SANBR: variants seen among roughly 807,000 people sequenced by gnomAD.
SANBR encodes SANT and BTB domain regulator of class switch recombination.
SANBR carries 77 observed loss-of-function variants against 101.8 expected under a neutral mutation model. The observed-to-expected ratio is 0.76, with a 90% confidence interval of 0.63 to 0.91. The LOEUF is 0.91. SANBR is among the 40% of genes least tolerant of loss of function. The probability of loss-of-function intolerance (pLI) is 0.00; values close to 1 mark genes in which losing one functional copy is unlikely to be tolerated. For missense variants in SANBR, 875 were observed against 853.0 expected (o/e 1.03, Z -0.32); for synonymous variants, 279 against 274.7 (o/e 1.02, Z -0.15).
At chr2:61,068,636 C>A (rs1046387331) in intron 1 of SANBR, among the ~76,000 whole-genome samples, 1 of 152,138 alleles carries the variant, frequency 6.6e-6, no homozygotes, top group East Asian at 1.9e-4. Context: ...CTGACTCTTT[C>A]TAGTCATTTT....
intron 3 of SANBR, 57 bp from the exon 4 acceptor site, chr2:61,071,549 C>CAAAA: frequency 2.3e-5 from 22 of 942,732 alleles, no homozygotes; most frequent in South Asian, 4.3e-5. Context: ...GACTCCGTCT[C>CAAAA]AAAAAAAAAA....
chr2:61,116,631 C>T (rs560803507), intron 17 of SANBR, among the ~76,000 whole-genome samples: 2 of 152,146 alleles, frequency 1.3e-5, no homozygotes, highest in South Asian at 4.2e-4. Flanking sequence ...AAAAGAAAAA[C>T]TGTGAATTTC....
chr2:61,120,441 A>G (rs1398750639), intron 20 of SANBR, among the ~76,000 whole-genome samples: 2 of 152,224 alleles, frequency 1.3e-5, no homozygotes, highest in African/African-American at 4.8e-5. Flanking sequence ...TTGAGGTTGC[A>G]GTGAGCCAAG....
downstream of SANBR, among the ~76,000 whole-genome samples, chr2:61,126,725 C>T (rs981004221): frequency 6.7e-6 from 1 of 149,734 alleles, no homozygotes; most frequent in Non-Finnish European, 1.5e-5. Context: ...TCACTTGAAC[C>T]CGGAAGGTGG....
In SANBR at chr2:61,123,353, A is replaced by G; in HGVS notation, c.*1191A>G. ...ATTTCCATTGAAATATTGAAGTGTTACACTCAGTTTACACGTACAGAAATC... is the reference window on the plus strand; with the variant it reads ...ATTTCCATTGAAATATTGAAGTGTTGCACTCAGTTTACACGTACAGAAATC... On this transcript the variant is annotated 3_prime_UTR_variant, in exon 22 of 22. Transcript: ENST00000402291. The G allele has an allele frequency of 1.0e-6, 1 of 976,128 alleles. No homozygotes were observed. The highest frequency in any genetic ancestry group is 4.7e-5 in the South Asian group (1 of 21,058). The allele number at this position is 976,128 out of a possible 1,614,324, so 60.5% of individuals were successfully genotyped here.
intron 14 of SANBR, among the ~76,000 whole-genome samples, chr2:61,107,616 C>G (rs1191010551): frequency 6.6e-6 from 1 of 152,124 alleles, no homozygotes; most frequent in Admixed American, 6.6e-5. Flanking sequence ...TACAAATATT[C>G]AGTCATGCCG....
chr2:61,110,155 C>T (rs1683761065), intron 16 of SANBR, among the ~76,000 whole-genome samples: 1 of 152,156 alleles, frequency 6.6e-6, no homozygotes, highest in African/African-American at 2.4e-5. Context: ...TCTTTTGTCT[C>T]TGGCTTCTTT....
downstream of SANBR, among the ~76,000 whole-genome samples, chr2:61,124,817 C>A (rs558314116): frequency 6.6e-6 from 1 of 152,230 alleles, no homozygotes; most frequent in African/African-American, 2.4e-5. Context: ...TGATTGTACA[C>A]AATTGCATTT....
rs34073185 is a variant in SANBR at position 61,129,444 on chromosome 2, C to CAA, written c.2029-4683_2029-4682dup. Among the ~76,000 whole-genome samples, 1,202 of 143,906 alleles carry CAA rather than the reference C, an allele frequency of 8.4e-3. 14 individuals carry two copies. The highest frequency in any genetic ancestry group is 0.025 in the African/African-American group (964 of 39,302). 94.4% of individuals were successfully genotyped at this position (143,906 alleles called of 152,430 possible). A position where few individuals can be genotyped will look rare whatever the true frequency, so the allele number is the denominator to read the frequency against. On this transcript the variant is annotated intron_variant, in intron 20 of 21. Coordinates refer to the SANBR transcript ENST00000295031. ...GAGCAACAACAGCGAAACTCCATCT[C>CAA]AAAAAAAAAAACAAGAAAAAAAGTT...
intron 6 of SANBR, among the ~76,000 whole-genome samples, chr2:61,079,778 G>A (rs1681994964): frequency 1.3e-5 from 2 of 152,078 alleles, no homozygotes; most frequent in Non-Finnish European, 1.5e-5. Context: ...GCGTGTGCCT[G>A]TAGTCCCAGC....
rs778908462 is a variant in SANBR, at chr2:61,071,612, A to G, written c.157A>G (p.Lys53Glu). The G allele has an allele frequency of 3.9e-6, 6 of 1,551,132 alleles. No individual in the cohort carries two copies. Among genetic ancestry groups the G allele is most frequent in the African/African-American group, 1.4e-5 (1 of 70,580 alleles). ...VPGLTPKECA[K>E]RFDELKSSGS... The stretch of plus-strand genomic sequence containing the variant: ...TCATTTTATATTATGACAGTGTGCA[A>G]AAAGGTTTGATGAATTAAAGAGCAG... The change falls in exon 4 of 22, where the codon AAA becomes GAA. Residue 53 changes from lysine to glutamate, a missense_variant. Transcript: ENST00000402291.
intron 4 of SANBR, among the ~76,000 whole-genome samples, chr2:61,072,437 G>T (rs1165733086): frequency 6.6e-6 from 1 of 151,982 alleles, no homozygotes; most frequent in Non-Finnish European, 1.5e-5. Context: ...AATTAGCTTG[G>T]TGGATGGTGC....
rs773576706 is a variant in SANBR, at chr2:61,070,428, A to G, written c.78A>G (p.Pro26=). 1.8e-5 allele frequency: 29 copies of G among 1,602,646 alleles called. No homozygotes were observed. In the African/African-American group the frequency reaches 3.2e-4, roughly 18 times the overall value. ...NQMVLDMILY[P]LIGIPQTINW... is the part of the protein sequence containing the mutation. Reference sequence around the variant, plus strand: ...TGGTATTGGACATGATCCTTTATCCATTAATTGGAATCCCTCAGACTATCA... The same window carrying G: ...TGGTATTGGACATGATCCTTTATCCGTTAATTGGAATCCCTCAGACTATCA... The change falls in exon 3 of 22, where the codon CCA becomes CCG. Residue 26 remains proline, a synonymous_variant. Transcript: ENST00000402291.
intron 11 of SANBR, among the ~76,000 whole-genome samples, chr2:61,092,882 C>G (rs565467887): frequency 6.6e-6 from 1 of 151,852 alleles, no homozygotes; most frequent in South Asian, 2.1e-4. Flanking sequence ...GCCTCTAATT[C>G]CAGCACTTTG....
exon 21 of SANBR, chr2:61,134,166 T>C: frequency 6.2e-7 from 1 of 1,613,950 alleles, no homozygotes; most frequent in Non-Finnish European, 8.5e-7. Context: ...GAGACGGCAC[T>C]GTGTCTAAGA....
At chr2:61,074,997 T>G (rs1008655476) in intron 5 of SANBR, 1 of 151,748 alleles carries the variant, frequency 6.6e-6, no homozygotes, top group Admixed American at 6.6e-5. Context: ...GTGGTCTCAC[T>G]GTGTTGCCCA....
chr2:61,092,290 A>C (rs966811984), intron 10 of SANBR, among the ~76,000 whole-genome samples, 174 bp from the exon 11 acceptor site: 1 of 152,240 alleles, frequency 6.6e-6, no homozygotes, highest in Non-Finnish European at 1.5e-5. Context: ...AAGCCAAGGC[A>C]AGAGAATTGC....
intron 5 of SANBR, 100 bp from the exon 6 acceptor site, chr2:61,076,820 T>C: frequency 1.2e-6 from 1 of 808,112 alleles, no homozygotes; most frequent in Non-Finnish European, 2.0e-6. Context: ...TTCAGAATTT[T>C]CAAAAACATC....
chr2:61,131,946 C>A (rs1409674626), intron 20 of SANBR, among the ~76,000 whole-genome samples: 1 of 152,178 alleles, frequency 6.6e-6, no homozygotes, highest in African/African-American at 2.4e-5. Flanking sequence ...CTACAAATGG[C>A]ACTAGGATAG....
Sources: allele counts gnomAD v4.1 joint callset (sites outside exome capture counted in the v4.1 genomes callset), GRCh38; gene constraint gnomAD v4.1.1; transcripts MANE v1.5; gene names NCBI Gene and HGNC (gene_info 2026-07-23, HGNC 2026-07-21).